Variants in BMAL1 observed in about 807,000 individuals in gnomAD.
BMAL1 encodes the protein basic helix-loop-helix ARNT-like protein 1.
the BMAL1 span, among the ~76,000 whole-genome samples, chr11:13,383,530 T>C: frequency 1.3e-5 from 2 of 151,984 alleles, no homozygotes; most frequent in Admixed American, 1.3e-4. Flanking sequence ...AGTAAAAAAA[T>C]AGTTTAAAGC....
chr11:13,323,370 G>C, the BMAL1 span, among the ~76,000 whole-genome samples: 1 of 152,194 alleles, frequency 6.6e-6, no homozygotes. Context: ...TCAGCAGCTA[G>C]CTGCATGTTG....
the BMAL1 span, among the ~76,000 whole-genome samples, chr11:13,342,524 A>G: frequency 6.6e-6 from 1 of 152,166 alleles, no homozygotes; most frequent in Non-Finnish European, 1.5e-5. Flanking sequence ...CTTGGGACTC[A>G]GACTCTGCTG....
At chr11:13,349,176 C>T in the BMAL1 span, among the ~76,000 whole-genome samples, 121 of 152,356 alleles carry the variant, frequency 7.9e-4, 1 homozygote, top group African/African-American at 2.6e-3. Context: ...TTCTTAACTT[C>T]GTGTGTGCCC....
At chr11:13,358,908 T>C in the BMAL1 span, among the ~76,000 whole-genome samples, 1 of 152,224 alleles carries the variant, frequency 6.6e-6, no homozygotes, top group Non-Finnish European at 1.5e-5. Flanking sequence ...ATCTTGCCTA[T>C]GTTTGTGCCT....
chr11:13,286,437 G>T, the BMAL1 span, among the ~76,000 whole-genome samples: 42 of 152,294 alleles, frequency 2.8e-4, no homozygotes, highest in Non-Finnish European at 4.6e-4. Flanking sequence ...GCCACTGACT[G>T]GCTGAGTAAA....
At chr11:13,356,516 T>G in the BMAL1 span, among the ~76,000 whole-genome samples, 9 of 152,368 alleles carry the variant, frequency 5.9e-5, 3 homozygotes, top group African/African-American at 2.2e-4. Context: ...TTTGAGATGA[T>G]AACTTTTGTT....
At chr11:13,333,260 C>T in the BMAL1 span, among the ~76,000 whole-genome samples, 3 of 152,186 alleles carry the variant, frequency 2.0e-5, no homozygotes, top group Non-Finnish European at 4.4e-5. Flanking sequence ...ATCCACTGCG[C>T]CCGGCCAATA....
At chr11:13,285,959 C>T in the BMAL1 span, among the ~76,000 whole-genome samples, 1 of 152,146 alleles carries the variant, frequency 6.6e-6, no homozygotes, top group Non-Finnish European at 1.5e-5. Context: ...GTGTTTAGTG[C>T]AGAACTTTAG....
chr11:13,326,574 G>A, the BMAL1 span: 4 of 152,198 alleles, frequency 2.6e-5, no homozygotes, highest in Admixed American at 2.0e-4. Flanking sequence ...CTGCTTAGTA[G>A]TTAAGAGTAT....
the BMAL1 span, among the ~76,000 whole-genome samples, chr11:13,308,768 G>A: frequency 3.9e-5 from 6 of 152,158 alleles, no homozygotes; most frequent in South Asian, 2.1e-4. Context: ...ATAAATCTGA[G>A]AAAGATGTGA....
chr11:13,310,429 G>T, the BMAL1 span, among the ~76,000 whole-genome samples: 1 of 152,258 alleles, frequency 6.6e-6, no homozygotes, highest in Non-Finnish European at 1.5e-5. Context: ...AAACAAAGTG[G>T]GCCTAGCAGC....
the BMAL1 span, among the ~76,000 whole-genome samples, chr11:13,284,628 G>T: frequency 2.6e-5 from 4 of 151,320 alleles, no homozygotes; most frequent in Admixed American, 2.6e-4. Context: ...TTTTTGGCGG[G>T]GGGTGGGGGA....
At chr11:13,374,008 G>A in the BMAL1 span, 3 of 1,177,790 alleles carry the variant, frequency 2.5e-6, no homozygotes, top group East Asian at 2.4e-5. Flanking sequence ...GCTCTCATAG[G>A]CTGTAGCAGG....
the BMAL1 span, among the ~76,000 whole-genome samples, chr11:13,310,315 G>C: frequency 2.1e-4 from 32 of 152,142 alleles, no homozygotes; most frequent in Non-Finnish European, 4.3e-4. Context: ...GCCTTATGGA[G>C]AGGTGGAGCT....
At chr11:13,311,161 A>G in the BMAL1 span, among the ~76,000 whole-genome samples, 2 of 152,242 alleles carry the variant, frequency 1.3e-5, no homozygotes, top group Non-Finnish European at 2.9e-5. Flanking sequence ...AATTCAAGAT[A>G]ACAGTGGTTC....
chr11:13,360,496 A>C, the BMAL1 span: 1 of 1,424,586 alleles, frequency 7.0e-7, no homozygotes, highest in Admixed American at 1.8e-5. Flanking sequence ...AGCATGTGGG[A>C]ATTTGATGTT....
At chr11:13,359,165 G>A in the BMAL1 span, among the ~76,000 whole-genome samples, 1 of 152,164 alleles carries the variant, frequency 6.6e-6, no homozygotes, top group Non-Finnish European at 1.5e-5. Context: ...TGTGGGGAGG[G>A]TGAGAAAACA....
chr11:13,359,753 C>A, the BMAL1 span, among the ~76,000 whole-genome samples: 1 of 152,196 alleles, frequency 6.6e-6, no homozygotes, highest in Admixed American at 6.5e-5. Flanking sequence ...AGATTGACAG[C>A]CTTTTAAACC....
chr11:13,330,902 C>T, the BMAL1 span, among the ~76,000 whole-genome samples: 2 of 152,186 alleles, frequency 1.3e-5, no homozygotes, highest in African/African-American at 2.4e-5. Flanking sequence ...GACATAAACC[C>T]AGTGCTTTTT....
Sources: allele counts gnomAD v4.1 joint callset (sites outside exome capture counted in the v4.1 genomes callset), GRCh38; gene constraint gnomAD v4.1.1; transcripts MANE v1.5; gene names NCBI Gene and HGNC (gene_info 2026-07-23, HGNC 2026-07-21).